The following RBM18 variants were observed in gnomAD, a reference collection of about 807,000 sequenced individuals.
RBM18 encodes the protein RNA binding motif protein 18.
In RBM18, 18 loss-of-function variants were observed where a neutral mutation model predicts 26.4. The observed-to-expected ratio is 0.68, with a 90% CI of 0.47 to 1.01. The LOEUF (loss-of-function observed/expected upper bound fraction) is 1.01. Ranked by LOEUF, RBM18 falls within the 50% of genes least tolerant of loss-of-function variation. RBM18 has a pLI of 0.00. For missense variants in RBM18, 180 were observed against 219.2 expected (o/e 0.82, Z 1.13); for synonymous variants, 74 against 81.1 (o/e 0.91, Z 0.47).
At chr9:122,243,627 G>A (rs1831459689) in intron 5 of RBM18, 1 of 650,326 alleles carries the variant, frequency 1.5e-6, no homozygotes. Flanking sequence ...ATGGTCTATG[G>A]CCAGTGAGAG....
chr9:122,243,069 C>T (rs1386593313), intron 5 of RBM18, among the ~76,000 whole-genome samples: 1 of 152,170 alleles, frequency 6.6e-6, no homozygotes, highest in African/African-American at 2.4e-5. Flanking sequence ...ACCTCGTGAT[C>T]CGTCCGCCTT....
rs80299919 is a variant in RBM18 at position 122,254,167 on chromosome 9, T to C, written c.114-2194A>G. 886 of 166,548 alleles carry C rather than the reference T, an allele frequency of 5.3e-3. 7 individuals are homozygous for C. The highest frequency in any genetic ancestry group is 7.4e-3 in the Non-Finnish European group (601 of 80,922). 10.3% of individuals were successfully genotyped at this position (166,548 alleles called of 1,614,324 possible). ...AGCAGGAAGGTAACACGATTGGCAT[T>C]TCCTAAGAAATGAATTTTAATTTAC... On this transcript the variant is annotated intron_variant, in intron 2 of 5. Coordinates refer to ENST00000417201, the MANE Select transcript of RBM18 (RefSeq NM_033117.4).
intron 3 of RBM18, among the ~76,000 whole-genome samples, chr9:122,250,080 A>AAAAAAAAAAAG (rs1554813988): frequency 0.025 from 3,704 of 150,392 alleles, 76 homozygotes; most frequent in Non-Finnish European, 0.035. Flanking sequence ...AAAAAAAAAA[A>AAAAAAAAAAAG]GAATGCTAAT....
intron 3 of RBM18, among the ~76,000 whole-genome samples, chr9:122,249,868 T>C (rs1831569795): frequency 1.3e-5 from 2 of 151,784 alleles, no homozygotes. Flanking sequence ...CCCAGGAGTT[T>C]GAGGCCAGCC....
intron 3 of RBM18, among the ~76,000 whole-genome samples, chr9:122,250,375 A>T (rs1831580580): frequency 6.6e-6 from 1 of 152,208 alleles, no homozygotes; most frequent in Non-Finnish European, 1.5e-5. Flanking sequence ...CTGTAAAAAT[A>T]CTCACTCTTG....
intron 3 of RBM18, among the ~76,000 whole-genome samples, chr9:122,248,054 G>A (rs999480304): frequency 6.6e-6 from 1 of 151,992 alleles, no homozygotes; most frequent in Non-Finnish European, 1.5e-5. Flanking sequence ...CAAAGTGCTG[G>A]GATTACAGGC....
intron 5 of RBM18, among the ~76,000 whole-genome samples, chr9:122,244,293 C>G (rs1002756829): frequency 2.6e-5 from 4 of 152,118 alleles, no homozygotes; most frequent in African/African-American, 9.7e-5. Context: ...AGATAATATA[C>G]AAGAAAGGCA....
intron 1 of RBM18, among the ~76,000 whole-genome samples, chr9:122,262,724 C>A (rs1255458387): frequency 6.6e-6 from 1 of 152,152 alleles, no homozygotes; most frequent in East Asian, 1.9e-4. Flanking sequence ...GCTGGGATTA[C>A]AGGTGCATGC....
chr9:122,260,099 C>G (rs895677254), intron 2 of RBM18, among the ~76,000 whole-genome samples: 1 of 152,126 alleles, frequency 6.6e-6, no homozygotes, highest in Non-Finnish European at 1.5e-5. Flanking sequence ...GTAATCCCAG[C>G]ACTTTGGGAG....
At chr9:122,258,908 CAAAAAAA>C (rs11453707) in intron 2 of RBM18, among the ~76,000 whole-genome samples, 4 of 109,378 alleles carry the variant, frequency 3.7e-5, no homozygotes, top group East Asian at 2.7e-4. Context: ...ACAGAGCTGT[CAAAAAAA>C]AAAAAAAAAA....
intron 2 of RBM18, among the ~76,000 whole-genome samples, chr9:122,258,851 T>C (rs537757448): frequency 2.2e-5 from 3 of 139,258 alleles, no homozygotes; most frequent in Non-Finnish European, 4.5e-5. Flanking sequence ...CCAGGAGTTC[T>C]AGGTTGCCAT....
intron 2 of RBM18, among the ~76,000 whole-genome samples, chr9:122,256,389 T>C (rs1428960957): frequency 6.6e-6 from 1 of 152,246 alleles, no homozygotes; most frequent in African/African-American, 2.4e-5. Flanking sequence ...TTCATACCTC[T>C]ATATGCATAA....
chr9:122,249,692 AAG>A (rs1342249198), intron 3 of RBM18, among the ~76,000 whole-genome samples: 2 of 151,350 alleles, frequency 1.3e-5, no homozygotes, highest in African/African-American at 4.9e-5. Context: ...CTGGATGACA[AAG>A]AGAGACCCTG....
At position 122,245,313 on chromosome 9, in the gene RBM18, A is replaced by C. The variant is rs901716143; in HGVS notation, c.356T>G (p.Ile119Ser). Residue 119 changes from isoleucine to serine, a missense_variant, in exon 5 of 6, where the codon ATT becomes AGT. Physicochemically the swap from Ile to Ser is moderately radical, Grantham distance 142 (BLOSUM62 -2). Transcript: ENST00000417201. ...KRYDHNKNDK[I>S]LPISLEPSSS... is the part of the protein sequence containing the mutation. ...GGATGGCTCGAGACTGATTGGAAGA[A>C]TCTTATCATTCTTGTTATGATCATA... 1.9e-6 allele frequency: 3 copies of C among 1,610,416 alleles called. No individual in the cohort carries two copies. Among genetic ancestry groups the C allele is most frequent in the Non-Finnish European group, 2.5e-6 (3 of 1,176,688 alleles).
chr9:122,264,013 T>G (rs1285681741), intron 1 of RBM18, among the ~76,000 whole-genome samples: 1 of 152,234 alleles, frequency 6.6e-6, no homozygotes, highest in Non-Finnish European at 1.5e-5. Context: ...GCTAATTCAA[T>G]GTATTACTTA....
chr9:122,257,046 T>C (rs1831708304), intron 2 of RBM18, among the ~76,000 whole-genome samples: 1 of 152,224 alleles, frequency 6.6e-6, no homozygotes, highest in Non-Finnish European at 1.5e-5. Flanking sequence ...TAAATATTTC[T>C]GGCATCTAAC....
At chr9:122,261,734 C>G (rs1239256285) in intron 1 of RBM18, among the ~76,000 whole-genome samples, 2 of 152,202 alleles carry the variant, frequency 1.3e-5, no homozygotes, top group Non-Finnish European at 2.9e-5. Flanking sequence ...GGGCGTGGTT[C>G]TGTGTGGAGA....
intron 5 of RBM18, among the ~76,000 whole-genome samples, chr9:122,243,122 C>T (rs967207675): frequency 2.0e-5 from 3 of 152,094 alleles, no homozygotes; most frequent in Non-Finnish European, 4.4e-5. Flanking sequence ...GCTACCGCGC[C>T]CAGCCCCATC....
intron 1 of RBM18, 133 bp downstream of exon 1, chr9:122,264,582 A>T (rs16911576): frequency 0.16 from 23,907 of 152,160 alleles, 2,550 homozygotes; most frequent in East Asian, 0.34. Flanking sequence ...CATTACTCGG[A>T]TTGTTATTTC....
Sources: allele counts gnomAD v4.1 joint callset (sites outside exome capture counted in the v4.1 genomes callset), GRCh38; gene constraint gnomAD v4.1.1; transcripts MANE v1.5; gene names NCBI Gene and HGNC (gene_info 2026-07-23, HGNC 2026-07-21).